PTPN13: variants seen among roughly 807,000 people sequenced by gnomAD.
The protein encoded by PTPN13 is protein tyrosine phosphatase non-receptor type 13.
PTPN13 carries 191 observed loss-of-function variants against 284.0 expected under a neutral mutation model. That is an observed-to-expected ratio of 0.67 (90% CI 0.60 to 0.76). PTPN13 has a LOEUF of 0.76. PTPN13 is among the 30% of genes least tolerant of loss of function. PTPN13 has a pLI of 0.00. For synonymous variants in PTPN13, 986 were observed against 1,022.3 expected (o/e 0.96, Z 0.68); for missense variants, 2,797 against 2,939.9 (o/e 0.95, Z 1.12).
intron 47 of PTPN13, among the ~76,000 whole-genome samples, chr4:86,812,309 C>CAAAA (rs555017151): frequency 6.8e-5 from 4 of 58,730 alleles, no homozygotes; most frequent in African/African-American, 1.2e-4. Flanking sequence ...GACTCCGTCT[C>CAAAA]AAAAAAAAAA....
At chr4:86,644,195 C>T (rs1168797695) in intron 2 of PTPN13, among the ~76,000 whole-genome samples, 1 of 151,518 alleles carries the variant, frequency 6.6e-6, no homozygotes, top group Non-Finnish European at 1.5e-5. Flanking sequence ...AGTGCAGTGG[C>T]GTGATCTTGG....
At chr4:86,644,901 C>G (rs1224182997) in intron 2 of PTPN13, among the ~76,000 whole-genome samples, 1 of 152,088 alleles carries the variant, frequency 6.6e-6, no homozygotes, top group African/African-American at 2.4e-5. Flanking sequence ...ATATCCATTT[C>G]AATCTTAAAA....
At chr4:86,718,538 T>C (rs13108514) in intron 9 of PTPN13, among the ~76,000 whole-genome samples, 12,251 of 151,670 alleles carry the variant, frequency 0.081, 630 homozygotes, top group Non-Finnish European at 0.11. Flanking sequence ...GCAACCTCTG[T>C]CTCCCAGGTT....
At chr4:86,783,758 T>C (rs1166056289) in intron 37 of PTPN13, among the ~76,000 whole-genome samples, 2 of 152,118 alleles carry the variant, frequency 1.3e-5, no homozygotes, top group African/African-American at 4.8e-5. Flanking sequence ...TATAAAATTA[T>C]TTTAATTTAT....
chr4:86,802,858 G>A (rs984759309), intron 42 of PTPN13, among the ~76,000 whole-genome samples: 1 of 152,252 alleles, frequency 6.6e-6, no homozygotes, highest in East Asian at 1.9e-4. Context: ...GATCGCTTGA[G>A]CCCAGGAGTT....
In PTPN13 at chr4:86,780,436, T is replaced by C; in HGVS notation, c.5926T>C (p.Ser1976Pro). 6.2e-7 allele frequency: 1 copy of C among 1,611,482 alleles called. No homozygotes were observed. The highest frequency in any genetic ancestry group is 8.5e-7 in the Non-Finnish European group (1 of 1,178,628). ...DLPVVPSSKR[S>P]AVSAPKSTKG... is the part of the protein sequence containing the mutation. Reference sequence around the variant, plus strand: ...TCCAGTGGTCCCCAGCTCAAAGAGGTCTGCTGTTTCAGCTCCAAAGTCAAC... The same window carrying C: ...TCCAGTGGTCCCCAGCTCAAAGAGGCCTGCTGTTTCAGCTCCAAAGTCAAC... Residue 1976 changes from serine (S) to proline (P), a missense_variant, in exon 36 of 48, where the codon TCT (serine) becomes CCT (proline). Coordinates refer to ENST00000411767, the MANE Select transcript of PTPN13 (RefSeq NM_080683.3).
In PTPN13 at chr4:86,792,654, C is replaced by T. The variant is rs765129095; in HGVS notation, c.6346-4220C>T. On this transcript the variant is annotated intron_variant, in intron 40 of 47. Coordinates refer to ENST00000411767, the MANE Select transcript of PTPN13 (RefSeq NM_080683.3). Reference sequence around the variant, plus strand: ...AAAGGGAAGCCCATCAGAATAACAGCGATCTCTCAGCAGAAAGCCTACAAG... The same window carrying T: ...AAAGGGAAGCCCATCAGAATAACAGTGATCTCTCAGCAGAAAGCCTACAAG... 9.2e-5 allele frequency among the ~76,000 whole-genome samples: 14 copies of T among 152,230 alleles called. 1 individual carries two copies. Among genetic ancestry groups the T allele is most frequent in the South Asian group, 2.1e-4 (1 of 4,828 alleles).
At chr4:86,692,386 C>A (rs1344089971) in intron 5 of PTPN13, among the ~76,000 whole-genome samples, 1 of 152,118 alleles carries the variant, frequency 6.6e-6, no homozygotes, top group East Asian at 1.9e-4. Context: ...AATGCTTGAG[C>A]CTTGAATATA....
At chr4:86,798,953 A>G (rs547256144) in intron 41 of PTPN13, 148 bp from the exon 42 acceptor site, 7 of 550,180 alleles carry the variant, frequency 1.3e-5, no homozygotes, top group South Asian at 7.7e-5. Flanking sequence ...GTTTACATCT[A>G]CCAATAAATT....
intron 37 of PTPN13, among the ~76,000 whole-genome samples, chr4:86,784,160 C>T (rs1287622716): frequency 6.6e-6 from 1 of 152,108 alleles, no homozygotes; most frequent in East Asian, 1.9e-4. Flanking sequence ...AGAAGTACTA[C>T]ATAATAGAGT....
intron 2 of PTPN13, among the ~76,000 whole-genome samples, chr4:86,664,243 C>T (rs2148862573): frequency 6.6e-6 from 1 of 152,148 alleles, no homozygotes; most frequent in East Asian, 1.9e-4. Flanking sequence ...TTCAAATAAG[C>T]CAAGCTGACT....
At chr4:86,748,353 A>G (rs1737010817) in intron 17 of PTPN13, among the ~76,000 whole-genome samples, 1 of 152,212 alleles carries the variant, frequency 6.6e-6, no homozygotes, top group Non-Finnish European at 1.5e-5. Context: ...AAAAGGCAGT[A>G]GGAAAGACCA....
At chr4:86,624,329 G>A (rs1445175604) in intron 1 of PTPN13, among the ~76,000 whole-genome samples, 1 of 152,048 alleles carries the variant, frequency 6.6e-6, no homozygotes, top group East Asian at 1.9e-4. Context: ...AAAAAGCTGA[G>A]GATCTGATCT....
chr4:86,780,326 G>A (rs1741150149), intron 35 of PTPN13, 76 bp from the exon 36 acceptor site: 7 of 1,229,222 alleles, frequency 5.7e-6, no homozygotes, highest in Non-Finnish European at 8.2e-6. Flanking sequence ...CTTGAGGCCA[G>A]GAGGATTGCT....
chr4:86,719,249 A>C (rs977890247), intron 9 of PTPN13, among the ~76,000 whole-genome samples: 7 of 152,154 alleles, frequency 4.6e-5, no homozygotes, highest in Admixed American at 6.5e-5. Context: ...CTGTTCCTGC[A>C]TTAGTTTGCT....
intron 35 of PTPN13, among the ~76,000 whole-genome samples, chr4:86,777,940 CT>C (rs35646072): frequency 0.083 from 12,588 of 152,180 alleles, 665 homozygotes; most frequent in Non-Finnish European, 0.11. Context: ...TTTTTGCTAA[CT>C]TTAGGTCCAA....
At chr4:86,712,749 C>T (rs1732570148) in intron 7 of PTPN13, among the ~76,000 whole-genome samples, 1 of 151,826 alleles carries the variant, frequency 6.6e-6, no homozygotes, top group African/African-American at 2.4e-5. Context: ...ATTTACAGAC[C>T]AATAGTTCAT....
chr4:86,614,745 T>C (rs1054523866), intron 1 of PTPN13, among the ~76,000 whole-genome samples: 1 of 152,132 alleles, frequency 6.6e-6, no homozygotes, highest in African/African-American at 2.4e-5. Context: ...TGCTACCAAT[T>C]CCAGTAAAGT....
chr4:86,779,247 C>T (rs1421524419), intron 35 of PTPN13, among the ~76,000 whole-genome samples: 1 of 152,074 alleles, frequency 6.6e-6, no homozygotes, highest in Non-Finnish European at 1.5e-5. Flanking sequence ...AACCCCGTCT[C>T]TACTAAAAAT....
Sources: allele counts gnomAD v4.1 joint callset (sites outside exome capture counted in the v4.1 genomes callset), GRCh38; gene constraint gnomAD v4.1.1; transcripts MANE v1.5; gene names NCBI Gene and HGNC (gene_info 2026-07-23, HGNC 2026-07-21).